Variants in GPC5 observed in about 807,000 individuals in gnomAD.
The protein encoded by GPC5 is glypican 5.
Under a neutral mutation model 53.9 loss-of-function variants are expected in GPC5, and 47 were observed. The observed-to-expected ratio is 0.87, with a 90% CI of 0.69 to 1.11. The LOEUF is 1.11. Among genes scored for constraint, GPC5 ranks in the 50% most tolerant of loss-of-function variants. GPC5 has a pLI of 0.00. For missense variants in GPC5, 748 were observed against 713.1 expected, an observed-to-expected ratio of 1.05 and a Z score of -0.56; for synonymous variants, 286 against 263.3, an observed-to-expected ratio of 1.09 and a Z score of -0.84.
intron 7 of GPC5, among the ~76,000 whole-genome samples, chr13:92,173,331 G>A (rs893316109): frequency 6.6e-6 from 1 of 152,114 alleles, no homozygotes; most frequent in Non-Finnish European, 1.5e-5. Context: ...GGGTTTTTAG[G>A]AAATGAAGTC....
intron 7 of GPC5, among the ~76,000 whole-genome samples, chr13:92,295,085 T>C (rs1357408775): frequency 6.6e-6 from 1 of 152,000 alleles, no homozygotes; most frequent in African/African-American, 2.4e-5. Context: ...CTGCCTTGGC[T>C]TCCCAAAATG....
chr13:91,826,024 G>T (rs2038570977), intron 5 of GPC5, among the ~76,000 whole-genome samples: 1 of 151,962 alleles, frequency 6.6e-6, no homozygotes, highest in Non-Finnish European at 1.5e-5. Context: ...AAGTTAGTCT[G>T]GACAAGTTAA....
rs189228081 is a variant in GPC5 at position 91,615,017 on chromosome 13, C to T, written c.326-78170C>T. 1.2e-4 allele frequency among the ~76,000 whole-genome samples: 18 copies of T among 152,300 alleles called. No homozygotes were observed. The East Asian group carries it at 3.5e-3, about 29-fold the overall frequency. On this transcript the variant is annotated intron_variant, in intron 2 of 7. Coordinates refer to ENST00000377067, the MANE Select transcript of GPC5 (RefSeq NM_004466.6). ...TTCATATATTTATCTATCTTTCCAT[C>T]TTCAATATGTCTAGATGTCCTTCCA...
At chr13:92,520,568 C>G (rs1438370589) in intron 7 of GPC5, among the ~76,000 whole-genome samples, 2 of 152,070 alleles carry the variant, frequency 1.3e-5, no homozygotes, top group Non-Finnish European at 2.9e-5. Flanking sequence ...AGGCCTTTGA[C>G]AAAATTCAAC....
chr13:92,110,407 T>G (rs1417158541), intron 6 of GPC5, among the ~76,000 whole-genome samples: 3 of 152,188 alleles, frequency 2.0e-5, no homozygotes, highest in Admixed American at 6.5e-5. Context: ...AAATCTGAAA[T>G]GGCCCTTCTG....
At chr13:92,108,432 A>G (rs1191733833) in intron 6 of GPC5, among the ~76,000 whole-genome samples, 2 of 152,198 alleles carry the variant, frequency 1.3e-5, no homozygotes, top group African/African-American at 4.8e-5. Flanking sequence ...CATTAGGCTC[A>G]TTCCCATATA....
At chr13:91,928,473 A>G (rs1281952456) in intron 6 of GPC5, among the ~76,000 whole-genome samples, 1 of 152,164 alleles carries the variant, frequency 6.6e-6, no homozygotes, top group Non-Finnish European at 1.5e-5. Context: ...AGGAGGCCAG[A>G]ATGAAAAGTC....
chr13:92,147,764 G>A (rs935639963), intron 7 of GPC5, among the ~76,000 whole-genome samples: 8 of 152,016 alleles, frequency 5.3e-5, no homozygotes, highest in African/African-American at 1.7e-4. Context: ...ATGTTTCTAC[G>A]AGTTTATAGC....
At chr13:92,846,034 C>G (rs1878600154) in intron 7 of GPC5, among the ~76,000 whole-genome samples, 1 of 152,108 alleles carries the variant, frequency 6.6e-6, no homozygotes, top group Non-Finnish European at 1.5e-5. Flanking sequence ...CTATAATGAA[C>G]TGCCCGAGAC....
chr13:92,794,048 T>C (rs1876565133), intron 7 of GPC5, among the ~76,000 whole-genome samples: 1 of 152,106 alleles, frequency 6.6e-6, no homozygotes, highest in Non-Finnish European at 1.5e-5. Context: ...GCCAGCATCA[T>C]CCTGATACTA....
chr13:92,054,780 G>C (rs2041061133), intron 6 of GPC5, among the ~76,000 whole-genome samples: 1 of 152,138 alleles, frequency 6.6e-6, no homozygotes, highest in Non-Finnish European at 1.5e-5. Flanking sequence ...TCCCTTGCCA[G>C]TTATTTACAG....
chr13:92,394,630 T>C (rs1318254125), intron 7 of GPC5, among the ~76,000 whole-genome samples: 2 of 152,212 alleles, frequency 1.3e-5, no homozygotes, highest in Non-Finnish European at 2.9e-5. Context: ...GTACCTGTGA[T>C]AGCAGCACAA....
At chr13:92,636,086 C>T (rs888863827) in intron 7 of GPC5, among the ~76,000 whole-genome samples, 5 of 152,200 alleles carry the variant, frequency 3.3e-5, no homozygotes, top group African/African-American at 9.6e-5. Context: ...ATGTGGGCCT[C>T]ACATCTGCCT....
At chr13:92,340,541 A>T (rs191727666) in intron 7 of GPC5, 33 of 152,158 alleles carry the variant, frequency 2.2e-4, no homozygotes, top group African/African-American at 7.5e-4. Context: ...CTAAATGTTA[A>T]ATACATTTGA....
At chr13:91,650,293 A>G (rs73609965) in intron 2 of GPC5, among the ~76,000 whole-genome samples, 9,867 of 152,164 alleles carry the variant, frequency 0.065, 1,076 homozygotes, top group African/African-American at 0.22. Context: ...ACTTGTGTCC[A>G]TGTCTCCAAC....
At chr13:91,858,565 G>A (rs949706446) in intron 5 of GPC5, among the ~76,000 whole-genome samples, 8 of 151,966 alleles carry the variant, frequency 5.3e-5, no homozygotes, top group African/African-American at 1.9e-4. Flanking sequence ...AATGCAGTTT[G>A]CTAGTATGTT....
intron 6 of GPC5, among the ~76,000 whole-genome samples, chr13:91,931,817 G>A (rs987029223): frequency 1.3e-5 from 2 of 151,928 alleles, no homozygotes; most frequent in African/African-American, 4.8e-5. Context: ...GAGTCTCTTA[G>A]ATCTTTCCAT....
At chr13:91,606,632 C>G (rs1043216286) in intron 2 of GPC5, among the ~76,000 whole-genome samples, 4 of 148,184 alleles carry the variant, frequency 2.7e-5, no homozygotes, top group Non-Finnish European at 6.0e-5. Context: ...ACAATTTCAG[C>G]TCCTGTTATT....
chr13:91,884,447 G>T (rs1411323419), intron 5 of GPC5, among the ~76,000 whole-genome samples: 1 of 152,168 alleles, frequency 6.6e-6, no homozygotes, highest in Admixed American at 6.5e-5. Flanking sequence ...CCCTTTGTAG[G>T]AACATGGATG....
Sources: gnomAD v4.1 joint callset for allele counts (sites outside exome capture counted in the v4.1 genomes callset) on GRCh38, gnomAD v4.1.1 for gene constraint, MANE v1.5 for transcripts, NCBI Gene and HGNC (gene_info 2026-07-23, HGNC 2026-07-21) for gene names.